The following CRYBA4 variants were observed in gnomAD, a reference collection of about 807,000 sequenced individuals.
CRYBA4 encodes the protein crystallin beta A4.
CRYBA4 carries 30 observed loss-of-function variants against 31.7 expected under a neutral mutation model. That is an observed-to-expected ratio of 0.95 (90% confidence interval 0.71 to 1.28). The LOEUF (loss-of-function observed/expected upper bound fraction) is 1.28, where lower values mean the gene tolerates loss of function less well. Among genes scored for constraint, CRYBA4 ranks in the 50% most tolerant of loss-of-function variants. The pLI is 0.00. For missense variants in CRYBA4, 225 were observed against 260.7 expected, an observed-to-expected ratio of 0.86 and a Z score of 0.94; for synonymous variants, 102 against 102.3, an observed-to-expected ratio of 1.00 and a Z score of 0.02.
chr22:26,616,142 T>TGTAGTTCCCAGGAG, the CRYBA4 span: 1 of 1,613,974 alleles, frequency 6.2e-7, no homozygotes, highest in Non-Finnish European at 8.5e-7. Context: ...GTCCTTACCC[T>TGTAGTTCCCAGGAG]GTAGTTCCCA....
At chr22:26,619,118 G>C (rs1182744142), upstream of CRYBA4, among the ~76,000 whole-genome samples, 2 of 152,176 alleles carry the variant, frequency 1.3e-5, no homozygotes, top group Non-Finnish European at 2.9e-5. Flanking sequence ...CTCAATGGTG[G>C]TTCCAATGGA....
At chr22:26,608,853 T>C in the CRYBA4 span, among the ~76,000 whole-genome samples, 1 of 152,086 alleles carries the variant, frequency 6.6e-6, no homozygotes, top group Non-Finnish European at 1.5e-5. Flanking sequence ...CAGATACCTA[T>C]GGTAATATAA....
chr22:26,625,597 C>T lies in CRYBA4; in HGVS notation c.275C>T (p.Thr92Ile), dbSNP rs769467040. The T allele has an allele frequency of 6.2e-7, 1 of 1,613,872 alleles. No individual in the cohort carries two copies. The highest frequency in any genetic ancestry group is 8.5e-7 in the Non-Finnish European group (1 of 1,179,998). ...GNTAYPAERL[T>I]SFRPAACANH... The stretch of plus-strand genomic sequence containing the variant: ...ACGGCCTACCCCGCCGAGAGGCTCA[C>T]CTCCTTCCGGCCTGCGGCCTGTGCT... Residue 92 changes from threonine (T) to isoleucine (I), a missense_variant, in exon 4 of 6, where the codon ACC becomes ATC. Physicochemically the swap from Thr to Ile is moderately conservative, Grantham distance 89. Transcript: ENST00000354760.
At position 26,624,988 on chromosome 22, in the gene CRYBA4, G is replaced by A. The variant is rs147253802; in HGVS notation, c.159-493G>A. On this transcript the variant is annotated intron_variant, in intron 3 of 5. Coordinates refer to ENST00000354760, the MANE Select transcript of CRYBA4 (RefSeq NM_001886.3). ...GGAGGAAAATGAGAGATGGCCATGC[G>A]GTCGCTCCTTGCAAGACTGCCCGTC... Among the ~76,000 whole-genome samples, 854 of 152,268 alleles carry A rather than the reference G, an allele frequency of 5.6e-3. 9 individuals carry two copies. Among genetic ancestry groups the A allele is most frequent in the Non-Finnish European group, 5.4e-3 (366 of 67,998 alleles).
chr22:26,617,344 C>T (rs901466240), upstream of CRYBA4, among the ~76,000 whole-genome samples: 2 of 152,228 alleles, frequency 1.3e-5, no homozygotes, highest in South Asian at 4.1e-4. Flanking sequence ...GGACCCCCTG[C>T]TAGCACAGAT....
At chr22:26,628,247 C>G (rs778135029) in intron 4 of CRYBA4, 41 bp from the exon 5 acceptor site, 1 of 1,613,586 alleles carries the variant, frequency 6.2e-7, no homozygotes, top group South Asian at 1.1e-5. Flanking sequence ...GGGTTTCCAA[C>G]TGGGAGCCTG....
At chr22:26,627,409 T>C (rs1054193243) in intron 4 of CRYBA4, among the ~76,000 whole-genome samples, 69 of 94,176 alleles carry the variant, frequency 7.3e-4, no homozygotes, top group Middle Eastern at 4.6e-3. Context: ...TCTTTCTTTC[T>C]TTCTTTCTTT....
intron 5 of CRYBA4, among the ~76,000 whole-genome samples, chr22:26,630,035 CA>C (rs1929875704): frequency 6.6e-6 from 1 of 152,172 alleles, no homozygotes; most frequent in Non-Finnish European, 1.5e-5. Flanking sequence ...ATGAGTGCTA[CA>C]AAGGTATAAT....
chr22:26,607,953 C>T, the CRYBA4 span: 5 of 1,614,184 alleles, frequency 3.1e-6, no homozygotes, highest in South Asian at 1.1e-5. Context: ...TGTGTTCCAG[C>T]GAGGGTACTC....
chr22:26,598,540 T>G, the CRYBA4 span, among the ~76,000 whole-genome samples: 1 of 152,062 alleles, frequency 6.6e-6, no homozygotes, highest in Non-Finnish European at 1.5e-5. Context: ...CACGCCACCA[T>G]GCTGGGTTAA....
At chr22:26,619,518 C>T (rs764448045), upstream of CRYBA4, among the ~76,000 whole-genome samples, 25 of 152,132 alleles carry the variant, frequency 1.6e-4, no homozygotes, top group African/African-American at 5.3e-4. Flanking sequence ...GGGTATATTG[C>T]GGGGGCATCT....
the CRYBA4 span, among the ~76,000 whole-genome samples, chr22:26,614,632 T>C: frequency 6.6e-6 from 1 of 152,154 alleles, no homozygotes; most frequent in African/African-American, 2.4e-5. Flanking sequence ...ATTAGGGATC[T>C]CATAGTAAGT....
rs977485016 is a variant in CRYBA4 at position 26,625,349 on chromosome 22, C to T, written c.159-132C>T. The T allele has an allele frequency of 9.6e-6, 10 of 1,039,312 alleles. No homozygotes were observed. The African/African-American group carries it at 1.1e-4, about 12-fold the overall frequency. 64.4% of individuals were successfully genotyped at this position (1,039,312 alleles called of 1,614,324 possible). A position where few individuals can be genotyped will look rare whatever the true frequency, so the allele number is the denominator to read the frequency against. ...GACAACCAAAAATGTCTCCAGCCAT[C>T]GTCAAGTGTTTCCTGGGGGCACAGT... On this transcript the variant is annotated intron_variant, in intron 3 of 5. Transcript: ENST00000354760.
the CRYBA4 span, chr22:26,602,092 T>G: frequency 4.4e-6 from 7 of 1,588,572 alleles, no homozygotes; most frequent in East Asian, 8.9e-5. Context: ...TAGCGGGGCC[T>G]TCTGGGTGTG....
chr22:26,607,894 T>C, the CRYBA4 span: 5 of 1,614,186 alleles, frequency 3.1e-6, no homozygotes, highest in East Asian at 1.1e-4. Flanking sequence ...CTCACCATTT[T>C]GATGGGCCGG....
At chr22:26,599,932 G>A in the CRYBA4 span, among the ~76,000 whole-genome samples, 1 of 152,208 alleles carries the variant, frequency 6.6e-6, no homozygotes, top group Admixed American at 6.5e-5. Flanking sequence ...ACCAAATGGA[G>A]AATGCACCTC....
chr22:26,612,237 C>A, the CRYBA4 span: 2 of 1,284,718 alleles, frequency 1.6e-6, no homozygotes, highest in South Asian at 1.2e-5. Context: ...AGGGGGGAGT[C>A]AAAAATTCAT....
chr22:26,592,470 C>A, the CRYBA4 span, among the ~76,000 whole-genome samples: 30 of 152,276 alleles, frequency 2.0e-4, no homozygotes, highest in African/African-American at 7.2e-4. Flanking sequence ...GTATACATGC[C>A]AGAGGCATGG....
chr22:26,612,114 C>T, the CRYBA4 span: 8 of 1,613,738 alleles, frequency 5.0e-6, no homozygotes, highest in Admixed American at 8.3e-5. Context: ...GTCGAAGCCA[C>T]GGTCTGCCAG....
Sources: allele counts gnomAD v4.1 joint callset (sites outside exome capture counted in the v4.1 genomes callset), GRCh38; gene constraint gnomAD v4.1.1; transcripts MANE v1.5; gene names NCBI Gene and HGNC (gene_info 2026-07-23, HGNC 2026-07-21).